Variants in SLC29A3 observed in about 807,000 individuals in gnomAD.
The protein encoded by SLC29A3 is equilibrative nucleoside transporter 3.
A neutral mutation model predicts 25.4 loss-of-function variants in SLC29A3; 18 were observed. That is an observed-to-expected ratio of 0.71 (90% CI 0.49 to 1.05). The LOEUF (loss-of-function observed/expected upper bound fraction) is 1.05. SLC29A3 is among the 50% of genes least tolerant of loss of function. The pLI, the probability that SLC29A3 is intolerant of heterozygous loss-of-function variation, is 0.00. For synonymous variants in SLC29A3, 258 were observed against 267.1 expected (o/e 0.97, Z 0.33); for missense variants, 586 against 609.0 (o/e 0.96, Z 0.40).
chr10:71,342,282 C>T (rs982736245), intron 2 of SLC29A3, among the ~76,000 whole-genome samples: 5 of 152,208 alleles, frequency 3.3e-5, no homozygotes, highest in African/African-American at 9.7e-5. Context: ...GCTGAGTCAA[C>T]TCCTGTCACC....
At chr10:71,328,480 C>T (rs941649503) in intron 2 of SLC29A3, among the ~76,000 whole-genome samples, 8 of 152,164 alleles carry the variant, frequency 5.3e-5, no homozygotes, top group Non-Finnish European at 8.8e-5. Flanking sequence ...TCTCATGCAG[C>T]GCTGCAGCAC....
intron 5 of SLC29A3, among the ~76,000 whole-genome samples, chr10:71,359,478 C>T (rs1039301674): frequency 4.6e-5 from 7 of 152,186 alleles, no homozygotes; most frequent in Admixed American, 1.3e-4. Context: ...GACCTGACGA[C>T]GCTGAATAGA....
chr10:71,351,939 G>A (rs893209056), intron 4 of SLC29A3, 151 bp downstream of exon 4: 9 of 784,198 alleles, frequency 1.1e-5, no homozygotes, highest in African/African-American at 3.4e-5. Context: ...GAACAACAAC[G>A]GTCATTTCTA....
intron 3 of SLC29A3, among the ~76,000 whole-genome samples, chr10:71,351,203 G>T (rs1203170179): frequency 6.6e-6 from 1 of 152,148 alleles, no homozygotes; most frequent in Non-Finnish European, 1.5e-5. Flanking sequence ...TGGTGTCCTC[G>T]TGTCCTTGAA....
chr10:71,344,691 C>T (rs982717365), intron 3 of SLC29A3, among the ~76,000 whole-genome samples: 7 of 152,180 alleles, frequency 4.6e-5, no homozygotes, highest in Non-Finnish European at 8.8e-5. Flanking sequence ...AGAGGGCTCA[C>T]GGGGGAAGTT....
chr10:71,336,399 G>A (rs1846254576), intron 2 of SLC29A3, among the ~76,000 whole-genome samples: 1 of 152,086 alleles, frequency 6.6e-6, no homozygotes, highest in African/African-American at 2.4e-5. Context: ...ACAAGACCAG[G>A]CCTTGGTTAC....
intron 4 of SLC29A3, among the ~76,000 whole-genome samples, chr10:71,353,756 C>T (rs549119562): frequency 7.2e-5 from 11 of 152,280 alleles, no homozygotes; most frequent in African/African-American, 2.2e-4. Context: ...GAATTCCGCA[C>T]GCGTTGGCAT....
intron 4 of SLC29A3, among the ~76,000 whole-genome samples, chr10:71,353,528 A>C (rs1846818102): frequency 6.6e-6 from 1 of 152,114 alleles, no homozygotes; most frequent in Admixed American, 6.5e-5. Flanking sequence ...AGGGATGGGG[A>C]GTCTCCTATG....
At chr10:71,322,103 C>T (rs1469536896) in intron 1 of SLC29A3, among the ~76,000 whole-genome samples, 1 of 152,154 alleles carries the variant, frequency 6.6e-6, no homozygotes, top group Admixed American at 6.5e-5. Context: ...ATTCAAGAGA[C>T]ACAAATAAGA....
At chr10:71,348,804 C>G (rs1484193035) in intron 3 of SLC29A3, among the ~76,000 whole-genome samples, 8 of 152,314 alleles carry the variant, frequency 5.3e-5, no homozygotes, top group Middle Eastern at 3.4e-3. Flanking sequence ...AGGTTCCCCA[C>G]AAGCAGGCCC....
At chr10:71,343,153 T>C (rs1011132411) in intron 2 of SLC29A3, among the ~76,000 whole-genome samples, 8 of 152,208 alleles carry the variant, frequency 5.3e-5, no homozygotes, top group African/African-American at 1.9e-4. Flanking sequence ...TTTTATTTTT[T>C]GTAGAGACAG....
intron 2 of SLC29A3, among the ~76,000 whole-genome samples, chr10:71,336,054 C>G (rs953258872): frequency 2.0e-4 from 31 of 152,144 alleles, no homozygotes; most frequent in Non-Finnish European, 7.4e-5. Context: ...CACCAAGTAC[C>G]ACAAACTGGG....
chr10:71,333,236 T>G (rs1846162423), intron 2 of SLC29A3, among the ~76,000 whole-genome samples: 1 of 152,242 alleles, frequency 6.6e-6, no homozygotes, highest in Non-Finnish European at 1.5e-5. Flanking sequence ...GCTGGCCTCT[T>G]GCCGGTCCTC....
At chr10:71,378,831 T>A (rs1261316185) in intron 4 of SLC29A3, among the ~76,000 whole-genome samples, 3 of 152,194 alleles carry the variant, frequency 2.0e-5, no homozygotes, top group African/African-American at 7.2e-5. Flanking sequence ...TTGGTCTCCT[T>A]CCCTTTCTTG....
chr10:71,339,512 G>T (rs1846340080), intron 2 of SLC29A3, among the ~76,000 whole-genome samples: 1 of 152,126 alleles, frequency 6.6e-6, no homozygotes, highest in South Asian at 2.1e-4. Context: ...TGACTGATGG[G>T]CCTCTCTGCC....
chr10:71,365,297 A>G (rs1291489691), downstream of SLC29A3: 1 of 152,228 alleles, frequency 6.6e-6, no homozygotes, highest in Non-Finnish European at 1.5e-5. Context: ...GTAAACCAGC[A>G]GTCTCTGAGC....
At chr10:71,380,348 A>G (rs1358058290) in exon 5 of SLC29A3, 1 of 152,104 alleles carries the variant, frequency 6.6e-6, no homozygotes, top group Admixed American at 6.5e-5. Flanking sequence ...AAACCTTGGT[A>G]TTTGGCTCTG....
chr10:71,362,486 T>C lies in SLC29A3; in HGVS notation c.1306T>C (p.Tyr436His). ...CTACCTCAGCACCCTGGCCCTCCTC[T>C]ACGGGCCTAAGATTGTGCCCAGGGA... ...NGYLSTLALL[Y>H]GPKIVPRELA... The change falls in exon 6 of 6, where the codon TAC becomes CAC. Residue 436 changes from tyrosine to histidine, a missense_variant. Tyr to His is a moderately conservative substitution (Grantham distance 83). Transcript: ENST00000373189. 1 of 1,614,196 alleles carries C rather than the reference T, an allele frequency of 6.2e-7. No individual in the cohort carries two copies. Among genetic ancestry groups the C allele is most frequent in the Non-Finnish European group, 8.5e-7 (1 of 1,180,030 alleles).
Position 71,362,426 on chromosome 10 carries a change from G to A in SLC29A3, c.1246G>A (p.Ala416Thr), listed in dbSNP as rs372271971. The change falls in exon 6 of 6, where the codon GCA (alanine) becomes ACA (threonine). Residue 416 changes from alanine (A) to threonine (T), a missense_variant. Transcript: ENST00000373189. Reference sequence around the variant, plus strand: ...GGTCTTCCAGTCCGATGTGTACCCCGCACTCCTCAGCTCCCTGCTGGGGCT... The same window carrying A: ...GGTCTTCCAGTCCGATGTGTACCCCACACTCCTCAGCTCCCTGCTGGGGCT... ...TVVFQSDVYPALLSSLLGLSN... is the reference protein window; with the variant it reads ...TVVFQSDVYPTLLSSLLGLSN... 1.5e-5 allele frequency: 25 copies of A among 1,613,980 alleles called. No individual in the cohort carries two copies. The South Asian group carries it at 1.6e-4, about 11-fold the overall frequency.
Sources: gnomAD v4.1 joint callset for allele counts (sites outside exome capture counted in the v4.1 genomes callset) on GRCh38, gnomAD v4.1.1 for gene constraint, MANE v1.5 for transcripts, NCBI Gene and HGNC (gene_info 2026-07-23, HGNC 2026-07-21) for gene names.